The following DIP2A variants were observed in gnomAD, a reference collection of about 807,000 sequenced individuals.
DIP2A encodes the protein disco-interacting protein 2 homolog A.
DIP2A carries 85 observed loss-of-function variants against 177.4 expected under a neutral mutation model. That is an observed-to-expected ratio of 0.48 (90% CI 0.40 to 0.57). DIP2A has a LOEUF of 0.57. DIP2A is among the 20% of genes least tolerant of loss of function. The pLI is 0.00. For missense variants in DIP2A, 1,791 were observed against 2,100.2 expected (o/e 0.85, Z 2.88); for synonymous variants, 886 against 881.8 (o/e 1.00, Z -0.08).
chr21:46,565,935 C>G, intron 36 of DIP2A, 48 bp downstream of exon 36: 1 of 1,598,014 alleles, frequency 6.3e-7, no homozygotes, highest in East Asian at 2.2e-5. Flanking sequence ...CGGGGAGGAC[C>G]TGGGCTCCCC....
intron 36 of DIP2A, among the ~76,000 whole-genome samples, chr21:46,566,197 T>C (rs554951385): frequency 9.5e-4 from 145 of 152,282 alleles, no homozygotes; most frequent in African/African-American, 3.1e-3. Context: ...GGCTTCCCCA[T>C]GCACAACCCA....
In DIP2A at chr21:46,534,670, C is replaced by T. The variant is rs781520382; in HGVS notation, c.1625C>T (p.Ala542Val). The change falls in exon 13 of 38, where the codon GCG (alanine) becomes GTG (valine). Residue 542 changes from alanine to valine, a missense_variant. Transcript: ENST00000417564. ...GCACAGTGCCGGGCTCTGACCCAGG[C>T]GTGCGGGTACTCAGAAGGTAAGGGC... is the stretch of plus-strand genomic sequence containing the variant. ...LLAQCRALTQ[A>V]CGYSEAETLT... 3.0e-5 allele frequency: 48 copies of T among 1,609,708 alleles called. 1 individual carries two copies. Among genetic ancestry groups the T allele is most frequent in the South Asian group, 4.4e-5 (4 of 91,000 alleles).
At chr21:46,492,792 T>C (rs868276055) in intron 3 of DIP2A, among the ~76,000 whole-genome samples, 40 of 152,084 alleles carry the variant, frequency 2.6e-4, no homozygotes, top group Non-Finnish European at 2.5e-4. Flanking sequence ...AATACAAAAA[T>C]TAGTCAGGTG....
At chr21:46,499,849 T>G (rs2057554937) in intron 5 of DIP2A, among the ~76,000 whole-genome samples, 1 of 152,226 alleles carries the variant, frequency 6.6e-6, no homozygotes, top group Non-Finnish European at 1.5e-5. Context: ...GATTGTAACT[T>G]GCTTGAGATC....
In DIP2A at chr21:46,554,175, G is replaced by C; in HGVS notation, c.3037G>C (p.Val1013Leu). 4 of 1,605,402 alleles carry C rather than the reference G, an allele frequency of 2.5e-6. No homozygotes were observed. Among genetic ancestry groups the C allele is most frequent in the Non-Finnish European group, 3.4e-6 (4 of 1,174,896 alleles). Reference protein sequence around the residue: ...LFLLLNAKGTVTSTATCVQLH... With the variant: ...LFLLLNAKGTLTSTATCVQLH... ...TCAAAGATCGCTTTCCTAGGGCACC[G>C]TCACAAGCACTGCAACCTGTGTCCA... is the stretch of plus-strand genomic sequence containing the variant. The change falls in exon 26 of 38, where the codon GTC (valine) becomes CTC (leucine). Residue 1013 changes from valine to leucine, a missense_variant. Physicochemically the swap from Val to Leu is conservative, Grantham distance 32 (BLOSUM62 1). Coordinates refer to ENST00000417564, the MANE Select transcript of DIP2A (RefSeq NM_015151.4).
In DIP2A at chr21:46,554,269, A is replaced by G. The variant is rs200958063; in HGVS notation, c.3131A>G (p.His1044Arg). The stretch of plus-strand genomic sequence containing the variant: ...AAGGGAAGACTGAGTGTTGGGGACC[A>G]TGTGGCTCTGGTCTACCCACCAGGT... ...MEKGRLSVGD[H>R]VALVYPPGVD... Residue 1044 changes from histidine (H) to arginine (R), a missense_variant, in exon 26 of 38, where the codon CAT becomes CGT. Coordinates refer to ENST00000417564, the MANE Select transcript of DIP2A (RefSeq NM_015151.4). 101 of 1,613,790 alleles carry G rather than the reference A, an allele frequency of 6.3e-5. No individual in the cohort carries two copies. Among genetic ancestry groups the G allele is most frequent in the Non-Finnish European group, 8.3e-5 (98 of 1,179,844 alleles).
At chr21:46,493,268 A>G (rs1288598878) in intron 3 of DIP2A, among the ~76,000 whole-genome samples, 1 of 152,146 alleles carries the variant, frequency 6.6e-6, no homozygotes, top group Admixed American at 6.6e-5. Flanking sequence ...GATATACCCT[A>G]TCAGGTTGAT....
intron 1 of DIP2A, among the ~76,000 whole-genome samples, chr21:46,473,059 A>C (rs1370402861): frequency 6.6e-6 from 1 of 152,200 alleles, no homozygotes; most frequent in Non-Finnish European, 1.5e-5. Context: ...GCTGTACTGG[A>C]CAACAGCAAA....
At position 46,498,499 on chromosome 21, in the gene DIP2A, G is replaced by A. The variant is rs979828421; in HGVS notation, c.404-83G>A. Reference sequence around the variant, plus strand: ...ACAGAAGCATGCTGCACACAGGTCTGGGAGGCTCCAGTGTGAGTGGGAACT... The same window carrying A: ...ACAGAAGCATGCTGCACACAGGTCTAGGAGGCTCCAGTGTGAGTGGGAACT... On this transcript the variant is annotated intron_variant, in intron 4 of 37. Transcript: ENST00000417564. This position sits in a 1 kb window ranked among gnomAD's most constrained non-coding sequence, Gnocchi z 4.3. 6.0e-6 allele frequency: 9 copies of A among 1,499,250 alleles called. No individual in the cohort carries two copies. The African/African-American group carries it at 1.1e-4, about 18-fold the overall frequency. The allele number at this position is 1,499,250 out of a possible 1,614,324, so 92.9% of individuals were successfully genotyped here. A position where few individuals can be genotyped will look rare whatever the true frequency, so the allele number is the denominator to read the frequency against.
At chr21:46,576,358 A>T in the DIP2A span, among the ~76,000 whole-genome samples, 4 of 152,020 alleles carry the variant, frequency 2.6e-5, no homozygotes, top group African/African-American at 9.7e-5. Context: ...CCCACTTATA[A>T]GTGAGAACAT....
Position 46,560,715 on chromosome 21 carries a change from C to T in DIP2A, c.3970-7C>T. 13 of 1,605,782 alleles carry T rather than the reference C, an allele frequency of 8.1e-6. No homozygotes were observed. The highest frequency in any genetic ancestry group is 1.1e-5 in the Non-Finnish European group (13 of 1,176,452). ...GAACAGAAGTTCCTCTGCTGCTCTC[C>T]TTCCAGGGCACAGCTGGCCCGGACC... On this transcript the variant is annotated splice_region_variant and splice_polypyrimidine_tract_variant and intron_variant, in intron 32 of 37. Coordinates refer to ENST00000417564, the MANE Select transcript of DIP2A (RefSeq NM_015151.4).
Position 46,558,309 on chromosome 21 carries a change from C to T in DIP2A, c.3885C>T (p.Ser1295=). ...GGATTGCGCTGACCCAGTCCTTCTCCAAGCTCTTCAAGGACCTGGGCCTGC... is the reference window on the plus strand; with the variant it reads ...GGATTGCGCTGACCCAGTCCTTCTCTAAGCTCTTCAAGGACCTGGGCCTGC... ...RPRIALTQSF[S]KLFKDLGLPA... is the part of the protein sequence containing the mutation. The change falls in exon 32 of 38, where the codon TCC becomes TCT. Residue 1295 remains serine (S), a synonymous_variant. Transcript: ENST00000417564. 1 of 1,606,998 alleles carries T rather than the reference C, an allele frequency of 6.2e-7. No homozygotes were observed. The highest frequency in any genetic ancestry group is 8.5e-7 in the Non-Finnish European group (1 of 1,177,880).
chr21:46,536,107 ATAAT>A (rs2059558896), intron 13 of DIP2A, among the ~76,000 whole-genome samples: 2 of 152,228 alleles, frequency 1.3e-5, no homozygotes, highest in South Asian at 2.1e-4. Flanking sequence ...AATAATGATA[ATAAT>A]TTGTGTTCTT....
At chr21:46,476,270 G>C (rs2055838579) in intron 1 of DIP2A, among the ~76,000 whole-genome samples, 1 of 151,906 alleles carries the variant, frequency 6.6e-6, no homozygotes, top group East Asian at 1.9e-4. Flanking sequence ...TGATGATTAT[G>C]TTAATACATG....
chr21:46,512,895 G>A (rs2330593), intron 8 of DIP2A, among the ~76,000 whole-genome samples: 43,079 of 151,828 alleles, frequency 0.28, 7,212 homozygotes, highest in African/African-American at 0.46. Flanking sequence ...TCCTGGCTAA[G>A]GCAGTCCTCC....
intron 22 of DIP2A, chr21:46,550,154 C>A: frequency 1.1e-6 from 1 of 873,768 alleles, no homozygotes; most frequent in Non-Finnish European, 1.7e-6. Context: ...ATTTGAAATG[C>A]ACTCTCACAG....
chr21:46,561,696 A>G lies in DIP2A; in HGVS notation c.4032-52A>G, dbSNP rs577457135. The G allele has an allele frequency of 2.3e-5, 37 of 1,599,518 alleles. No homozygotes were observed. The Admixed American group carries it at 3.0e-4, about 13-fold the overall frequency. On this transcript the variant is annotated intron_variant, in intron 33 of 37. Transcript: ENST00000417564. ...AACGTCATGATCTGCCCTTTCAGAC[A>G]TTACTACCTGTGTAGTAAATTTTGT...
chr21:46,578,404 C>T, the DIP2A span, among the ~76,000 whole-genome samples: 1 of 152,312 alleles, frequency 6.6e-6, no homozygotes, highest in East Asian at 1.9e-4. Flanking sequence ...CATCTGTGAA[C>T]AGAGGCAGTT....
chr21:46,532,346 C>A, intron 10 of DIP2A, 109 bp downstream of exon 10: 1 of 878,422 alleles, frequency 1.1e-6, no homozygotes, highest in Non-Finnish European at 1.8e-6. Context: ...GCTGTTTTGA[C>A]AGAGGAGAGA....
Sources: allele counts gnomAD v4.1 joint callset (sites outside exome capture counted in the v4.1 genomes callset), GRCh38; gene constraint gnomAD v4.1.1; non-coding constraint Gnocchi (gnomAD v3.1); transcripts MANE v1.5; gene names NCBI Gene and HGNC (gene_info 2026-07-23, HGNC 2026-07-21).